Variants in MALRD1 observed in about 807,000 individuals in gnomAD.
MALRD1 encodes the protein MAM and LDL receptor class A domain containing 1, also known as MAM and LDL-receptor class A domain-containing protein 1.
MALRD1 carries 247 observed loss-of-function variants against 242.1 expected under a neutral mutation model. The ratio of observed to expected loss-of-function variants is 1.02; its 90% confidence interval spans 0.92 to 1.13. The LOEUF is 1.13. Among genes scored for constraint, MALRD1 ranks in the 50% most tolerant of loss-of-function variants. MALRD1 has a pLI of 0.00. For synonymous variants in MALRD1, 995 were observed against 866.6 expected (o/e 1.15, Z -2.60); for missense variants, 2,989 against 2,533.1 (o/e 1.18, Z -3.86).
intron 10 of MALRD1, among the ~76,000 whole-genome samples, chr10:19,142,171 CAAAAAAAAAA>C (rs529000033): frequency 3.8e-5 from 1 of 26,268 alleles, no homozygotes; most frequent in African/African-American, 1.7e-4. Context: ...GACTCTAACT[CAAAAAAAAAA>C]AAAAAAAAAA....
At chr10:19,537,929 A>T (rs528535513) in intron 32 of MALRD1, among the ~76,000 whole-genome samples, 1 of 152,338 alleles carries the variant, frequency 6.6e-6, no homozygotes, top group East Asian at 1.9e-4. Flanking sequence ...CCAGGGCAAC[A>T]AAGATGTGGC....
chr10:19,271,717 C>T (rs1187757407), intron 19 of MALRD1, among the ~76,000 whole-genome samples: 2 of 151,278 alleles, frequency 1.3e-5, no homozygotes, highest in Admixed American at 1.3e-4. Flanking sequence ...GAGCCGAGAT[C>T]TCACCACTGC....
chr10:19,288,316 A>G (rs1248603138), intron 21 of MALRD1, among the ~76,000 whole-genome samples: 2 of 151,864 alleles, frequency 1.3e-5, no homozygotes, highest in Middle Eastern at 3.2e-3. Context: ...CAATCCAGTT[A>G]CTCTCTTTAT....
At chr10:19,358,248 C>T (rs1233261401) in intron 26 of MALRD1, among the ~76,000 whole-genome samples, 1 of 144,004 alleles carries the variant, frequency 6.9e-6, no homozygotes, top group Non-Finnish European at 1.5e-5. Flanking sequence ...TTAATCACCA[C>T]AGCTACTTCC....
At chr10:19,498,204 G>A (rs1456416430) in intron 30 of MALRD1, among the ~76,000 whole-genome samples, 1 of 152,144 alleles carries the variant, frequency 6.6e-6, no homozygotes, top group African/African-American at 2.4e-5. Context: ...TTAGCATAAT[G>A]TTATGTTTAT....
At chr10:19,258,820 A>G (rs970131501) in intron 19 of MALRD1, among the ~76,000 whole-genome samples, 3 of 152,088 alleles carry the variant, frequency 2.0e-5, no homozygotes, top group African/African-American at 7.2e-5. Context: ...TTACCTCTCA[A>G]TGCCTAAAAG....
rs1290415118 is a variant in MALRD1, at chr10:19,719,219, C to CATATAT, written c.6315-11484_6315-11483insTATATA. Among the ~76,000 whole-genome samples the CATATAT allele has an allele frequency of 4.0e-4, 12 of 30,320 alleles. No homozygotes were observed. In the South Asian group the frequency reaches 6.5e-3, roughly 16 times the overall value. 19.9% of individuals were successfully genotyped at this position (30,320 alleles called of 152,430 possible). A position where few individuals can be genotyped will look rare whatever the true frequency, so the allele number is the denominator to read the frequency against. ...ACATATATATATATATATACACATA[C>CATATAT]ATACATATATATATATATATATATA... On this transcript the variant is annotated intron_variant, in intron 38 of 39. Coordinates refer to ENST00000454679, the MANE Select transcript of MALRD1 (RefSeq NM_001142308.3).
chr10:19,391,490 G>A (rs1400530730), intron 28 of MALRD1, among the ~76,000 whole-genome samples: 1 of 152,160 alleles, frequency 6.6e-6, no homozygotes, highest in African/African-American at 2.4e-5. Flanking sequence ...GCCCAATAAA[G>A]GCAAGGATTC....
At position 19,607,784 on chromosome 10, in the gene MALRD1, A is replaced by C. The variant is rs2131592182; in HGVS notation, c.5952A>C (p.Lys1984Asn). Reference protein sequence around the residue: ...FNEDELICSNKSCSNGALVCA... With the variant: ...FNEDELICSNNSCSNGALVCA... ...ATTCTTTTTTTTTTGCAGCCAACAA[A>C]AGCTGTTCTAATGGAGCTCTGGTGT... The change falls in exon 35 of 40, where the codon AAA becomes AAC. Residue 1984 changes from lysine (K) to asparagine (N), a missense_variant. Transcript: ENST00000454679. 1 of 1,548,468 alleles carries C rather than the reference A, an allele frequency of 6.5e-7. No individual in the cohort carries two copies. Among genetic ancestry groups the C allele is most frequent in the African/African-American group, 1.4e-5 (1 of 72,974 alleles).
chr10:19,551,092 G>A (rs1480005393), intron 32 of MALRD1, among the ~76,000 whole-genome samples: 1 of 151,994 alleles, frequency 6.6e-6, no homozygotes, highest in Non-Finnish European at 1.5e-5. Context: ...TCATATGATT[G>A]TTGGCTGCAT....
intron 28 of MALRD1, among the ~76,000 whole-genome samples, chr10:19,415,883 C>CAG (rs1324208857): frequency 2.6e-5 from 4 of 152,136 alleles, no homozygotes; most frequent in Admixed American, 6.6e-5. Flanking sequence ...GTGTTGTTCA[C>CAG]ACGTGAATTC....
chr10:19,348,078 T>C lies in MALRD1; in HGVS notation c.4149+60T>C, dbSNP rs1844211246. The C allele has an allele frequency of 2.0e-6, 3 of 1,497,692 alleles. No homozygotes were observed. In the African/African-American group the frequency reaches 4.2e-5, roughly 21 times the overall value. 92.8% of individuals were successfully genotyped at this position (1,497,692 alleles called of 1,614,324 possible). On this transcript the variant is annotated intron_variant, in intron 25 of 39. Coordinates refer to ENST00000454679, the MANE Select transcript of MALRD1 (RefSeq NM_001142308.3). ...CACAGAATTATTGTGAGCAAGTTTA[T>C]AAATTGACATACGGAAAACAGAGTG...
At position 19,528,738 on chromosome 10, in the gene MALRD1, G is replaced by A. The variant is rs1054871843; in HGVS notation, c.5321-2456G>A. 1.1e-4 allele frequency among the ~76,000 whole-genome samples: 17 copies of A among 152,096 alleles called. 1 individual carries two copies. The highest frequency in any genetic ancestry group is 1.0e-3 in the Admixed American group (16 of 15,254). On this transcript the variant is annotated intron_variant, in intron 31 of 39. Transcript: ENST00000454679. ...CAAGTTATTTGCATCTTCCAGTCCA[G>A]CATGTAAGGAGCTTGGAAGGCATCA... is the stretch of plus-strand genomic sequence containing the variant.
chr10:19,494,992 T>G (rs75696650), intron 30 of MALRD1, among the ~76,000 whole-genome samples: 2 of 151,940 alleles, frequency 1.3e-5, no homozygotes, highest in Non-Finnish European at 2.9e-5. Flanking sequence ...TTTTTTTTTT[T>G]GTAAGACAGA....
chr10:19,480,210 T>C (rs1836934475), intron 29 of MALRD1, among the ~76,000 whole-genome samples: 1 of 152,172 alleles, frequency 6.6e-6, no homozygotes, highest in Non-Finnish European at 1.5e-5. Context: ...AGAAAGAAGC[T>C]AGTGTGTGAA....
intron 38 of MALRD1, 69 bp downstream of exon 38, chr10:19,692,623 G>T: frequency 7.9e-7 from 1 of 1,269,246 alleles, no homozygotes; most frequent in Admixed American, 2.2e-5. Context: ...CATTTCCTTT[G>T]CTATTTTTTT....
At chr10:19,142,165 C>CT (rs1335737973) in intron 10 of MALRD1, among the ~76,000 whole-genome samples, 3 of 70,256 alleles carry the variant, frequency 4.3e-5, no homozygotes, top group Non-Finnish European at 7.5e-5. Flanking sequence ...GAGCGAGACT[C>CT]TAACTCAAAA....
intron 26 of MALRD1, among the ~76,000 whole-genome samples, chr10:19,374,491 A>G (rs1300915487): frequency 5.9e-5 from 9 of 152,202 alleles, no homozygotes; most frequent in Admixed American, 5.9e-4. Flanking sequence ...CTGAAGTTCT[A>G]TGCAAATTTT....
intron 5 of MALRD1, among the ~76,000 whole-genome samples, chr10:19,110,028 G>A (rs187293402): frequency 4.9e-4 from 74 of 152,102 alleles, no homozygotes; most frequent in African/African-American, 1.7e-3. Flanking sequence ...GTAAAGATAG[G>A]GTATTTTCTT....
Sources: allele counts gnomAD v4.1 joint callset (sites outside exome capture counted in the v4.1 genomes callset), GRCh38; gene constraint gnomAD v4.1.1; transcripts MANE v1.5; gene names NCBI Gene and HGNC (gene_info 2026-07-23, HGNC 2026-07-21).